The following SGTA variants were observed in gnomAD, a reference collection of about 807,000 sequenced individuals.
SGTA encodes the protein small glutamine-rich tetratricopeptide repeat-containing protein alpha.
Under a neutral mutation model 44.3 loss-of-function variants are expected in SGTA, and 22 were observed. The ratio of observed to expected loss-of-function variants is 0.50; its 90% confidence interval spans 0.36 to 0.71. The LOEUF (loss-of-function observed/expected upper bound fraction) is 0.71. Ranked by LOEUF, SGTA falls within the 30% of genes least tolerant of loss-of-function variation. The pLI is 0.00. For missense variants in SGTA, 341 were observed against 435.9 expected (o/e 0.78, Z 1.94); for synonymous variants, 174 against 177.6 (o/e 0.98, Z 0.16).
In SGTA at chr19:2,763,911, TGA is replaced by T. The variant is rs1915071958; in HGVS notation, c.393-156_393-155del. Reference sequence around the variant, plus strand: ...GTAAAATGGGGCTGATGGGGAAAGCTGAGAGGTGTGGCCACTGAGATGCTCTT... The same window carrying T: ...GTAAAATGGGGCTGATGGGGAAAGCTGAGGTGTGGCCACTGAGATGCTCTT... On this transcript the variant is annotated intron_variant, in intron 5 of 11. Transcript: ENST00000221566. The surrounding 1 kb of genome is among the most constrained non-coding windows in gnomAD (Gnocchi z 5.8). Among the ~76,000 whole-genome samples the T allele has an allele frequency of 6.6e-6, 1 of 152,136 alleles. No homozygotes were observed. The highest frequency in any genetic ancestry group is 1.5e-5 in the Non-Finnish European group (1 of 68,024).
intron 10 of SGTA, 31 bp downstream of exon 10, chr19:2,757,662 C>T: frequency 6.6e-7 from 1 of 1,518,704 alleles, no homozygotes; most frequent in Non-Finnish European, 8.9e-7. Context: ...CCGCCCACGT[C>T]CTCCGTCCTC....
chr19:2,774,076 A>G (rs1479059224), intron 1 of SGTA, among the ~76,000 whole-genome samples: 1 of 152,214 alleles, frequency 6.6e-6, no homozygotes, highest in African/African-American at 2.4e-5. Flanking sequence ...AACCTTGATC[A>G]TGGACTTCCG....
At chr19:2,757,866 A>C in intron 9 of SGTA, 84 bp from the exon 10 acceptor site, 2 of 910,866 alleles carry the variant, frequency 2.2e-6, no homozygotes, top group Non-Finnish European at 3.2e-6. Flanking sequence ...CCGGGAGAGA[A>C]TCCCTCTCAG....
intron 1 of SGTA, among the ~76,000 whole-genome samples, chr19:2,780,036 C>T (rs1479065791): frequency 6.6e-6 from 1 of 152,132 alleles, no homozygotes; most frequent in Non-Finnish European, 1.5e-5. Flanking sequence ...CTGCAGTGAG[C>T]TGTGATTGGG....
chr19:2,765,446 G>T lies in SGTA; in HGVS notation c.293-161C>A, dbSNP rs201863973. Among the ~76,000 whole-genome samples the T allele has an allele frequency of 6.6e-6, 1 of 152,142 alleles. No individual in the cohort carries two copies. The stretch of plus-strand genomic sequence containing the variant: ...CTCAACACAGATGCCGGCTCAGGAG[G>T]CATCTGCATCTATAGGGGGTTCGCT... On this transcript the variant is annotated intron_variant, in intron 4 of 11. Coordinates refer to ENST00000221566, the MANE Select transcript of SGTA (RefSeq NM_003021.4). This position sits in a 1 kb window ranked among gnomAD's most constrained non-coding sequence, Gnocchi z 5.5.
At chr19:2,756,899 A>G (rs1228681838) in intron 11 of SGTA, among the ~76,000 whole-genome samples, 1 of 152,212 alleles carries the variant, frequency 6.6e-6, no homozygotes, top group Non-Finnish European at 1.5e-5. Flanking sequence ...GCTCGGGCGC[A>G]GTCAAAGGCA....
intron 1 of SGTA, among the ~76,000 whole-genome samples, chr19:2,775,875 C>A (rs1297187234): frequency 6.6e-6 from 1 of 152,224 alleles, no homozygotes; most frequent in Non-Finnish European, 1.5e-5. Flanking sequence ...GAGAAATCTA[C>A]AAGAGCTGTG....
At chr19:2,777,486 G>A (rs4807329) in intron 1 of SGTA, 34,263 of 150,894 alleles carry the variant, frequency 0.23, 4,192 homozygotes, top group East Asian at 0.51. Context: ...CAGGAGGTCC[G>A]TGCTGCAGTG....
Position 2,755,623 on chromosome 19 carries a change from A to C in SGTA, c.*317T>G. On this transcript the variant is annotated 3_prime_UTR_variant, in exon 12 of 12. Coordinates refer to ENST00000221566, the MANE Select transcript of SGTA (RefSeq NM_003021.4). This position sits in a 1 kb window ranked among gnomAD's most constrained non-coding sequence, Gnocchi z 5.2. ...ACGTGAAACCTGCCACTTCTCTGAG[A>C]GCGGCCCGGGAGCACCCCAGGATTC... The C allele has an allele frequency of 1.0e-6, 1 of 985,528 alleles. No individual in the cohort carries two copies. Among genetic ancestry groups the C allele is most frequent in the Non-Finnish European group, 1.2e-6 (1 of 829,994 alleles). 61.0% of individuals were successfully genotyped at this position (985,528 alleles called of 1,614,324 possible).
intron 9 of SGTA, among the ~76,000 whole-genome samples, chr19:2,758,707 C>T (rs1914900247): frequency 6.6e-6 from 1 of 152,186 alleles, no homozygotes; most frequent in African/African-American, 2.4e-5. Context: ...GCACCGTTCA[C>T]AACAGACAAA....
chr19:2,755,647 T>C lies in SGTA; in HGVS notation c.*293A>G. On this transcript the variant is annotated 3_prime_UTR_variant, in exon 12 of 12. Coordinates refer to ENST00000221566, the MANE Select transcript of SGTA (RefSeq NM_003021.4). The surrounding 1 kb of genome is among the most constrained non-coding windows in gnomAD (Gnocchi z 5.2). ...GAGCGGCCCGGGAGCACCCCAGGAT[T>C]CTAGAAAACACTCAAGTGACCGAGC... 3 of 985,452 alleles carry C rather than the reference T, an allele frequency of 3.0e-6. No individual in the cohort carries two copies. Among genetic ancestry groups the C allele is most frequent in the Non-Finnish European group, 3.6e-6 (3 of 829,970 alleles). The allele number at this position is 985,452 out of a possible 1,614,324, so 61.0% of individuals were successfully genotyped here. A position where few individuals can be genotyped will look rare whatever the true frequency, so the allele number is the denominator to read the frequency against.
chr19:2,771,753 C>T (rs1245318049), intron 1 of SGTA, among the ~76,000 whole-genome samples: 1 of 152,266 alleles, frequency 6.6e-6, no homozygotes, highest in Non-Finnish European at 1.5e-5. Context: ...GGAGAACCTG[C>T]TCTGAGGCCA....
chr19:2,762,983 CAG>C (rs1915042389), intron 6 of SGTA, among the ~76,000 whole-genome samples: 1 of 152,202 alleles, frequency 6.6e-6, no homozygotes, highest in South Asian at 2.1e-4. Context: ...CTTCCCGGCA[CAG>C]GGCACCAAGG....
At chr19:2,759,455 T>G (rs1914923310) in intron 8 of SGTA, 161 bp from the exon 9 acceptor site, 1 of 645,214 alleles carries the variant, frequency 1.5e-6, no homozygotes, top group Non-Finnish European at 2.8e-6. Context: ...TCCCTACATT[T>G]TCGCCCCCCC....
At chr19:2,779,933 A>C (rs960145817) in intron 1 of SGTA, among the ~76,000 whole-genome samples, 7 of 151,978 alleles carry the variant, frequency 4.6e-5, no homozygotes, top group African/African-American at 1.7e-4. Context: ...AAAAAAAAAA[A>C]ATAGAATTAG....
At chr19:2,776,206 G>A (rs904102577) in intron 1 of SGTA, among the ~76,000 whole-genome samples, 4 of 152,214 alleles carry the variant, frequency 2.6e-5, no homozygotes, top group Non-Finnish European at 5.9e-5. Context: ...CATGCCACCC[G>A]AAAGGTGAAG....
rs982180612 is a variant in SGTA, at chr19:2,761,581, C to A, written c.637-59G>T. ...TGGACCAGAGGCCACGGTGAATAAC[C>A]CCCTGGAACTCAGAAACAACGGCCC... is the stretch of plus-strand genomic sequence containing the variant. On this transcript the variant is annotated intron_variant, in intron 7 of 11. Coordinates refer to ENST00000221566, the MANE Select transcript of SGTA (RefSeq NM_003021.4). This position sits in a 1 kb window ranked among gnomAD's most constrained non-coding sequence, Gnocchi z 5.7. 1.1e-5 allele frequency: 15 copies of A among 1,377,268 alleles called. No individual in the cohort carries two copies. The highest frequency in any genetic ancestry group is 1.4e-5 in the Non-Finnish European group (14 of 989,814). 85.3% of individuals were successfully genotyped at this position (1,377,268 alleles called of 1,614,324 possible).
At chr19:2,764,983 G>A (rs1176547172) in intron 5 of SGTA, among the ~76,000 whole-genome samples, 2 of 152,124 alleles carry the variant, frequency 1.3e-5, no homozygotes, top group South Asian at 2.1e-4. Flanking sequence ...AGTGCTGGGC[G>A]TGCTACCTGA....
intron 1 of SGTA, among the ~76,000 whole-genome samples, chr19:2,779,977 T>C (rs1005767735): frequency 1.3e-5 from 2 of 151,952 alleles, no homozygotes; most frequent in Non-Finnish European, 2.9e-5. Flanking sequence ...TAGTCCCAGC[T>C]ACTTGGGAGG....
Sources: gnomAD v4.1 joint callset for allele counts (sites outside exome capture counted in the v4.1 genomes callset) on GRCh38, gnomAD v4.1.1 for gene constraint, Gnocchi (gnomAD v3.1) non-coding constraint, MANE v1.5 for transcripts, NCBI Gene and HGNC (gene_info 2026-07-23, HGNC 2026-07-21) for gene names.